The following PTPRZ1 variants were observed in gnomAD, a reference collection of about 807,000 sequenced individuals.
PTPRZ1 encodes protein tyrosine phosphatase receptor type Z1, also known as receptor-type tyrosine-protein phosphatase zeta.
Under a neutral mutation model 214.1 loss-of-function variants are expected in PTPRZ1, and 82 were observed. That is an observed-to-expected ratio of 0.38 (90% CI 0.32 to 0.46). The LOEUF (loss-of-function observed/expected upper bound fraction) is 0.46, where lower values mean the gene tolerates loss of function less well. Ranked by LOEUF, PTPRZ1 falls within the 20% of genes least tolerant of loss-of-function variation. PTPRZ1 has a pLI of 1.00. For synonymous variants in PTPRZ1, 945 were observed against 987.9 expected (o/e 0.96, Z 0.81); for missense variants, 2,603 against 2,748.7 (o/e 0.95, Z 1.19).
intron 1 of PTPRZ1, among the ~76,000 whole-genome samples, chr7:121,906,062 C>T (rs1795107281): frequency 6.6e-6 from 1 of 152,224 alleles, no homozygotes. Flanking sequence ...TCTTACCTTC[C>T]CTGTAATGTT....
intron 23 of PTPRZ1, 79 bp downstream of exon 23, chr7:122,044,647 C>CA: frequency 6.9e-7 from 1 of 1,456,604 alleles, no homozygotes; most frequent in East Asian, 2.4e-5. Context: ...TTGACAGGGT[C>CA]ACGTTGAGTG....
intron 2 of PTPRZ1, among the ~76,000 whole-genome samples, chr7:121,952,019 C>G (rs1393426583): frequency 6.6e-6 from 1 of 150,616 alleles, no homozygotes; most frequent in Non-Finnish European, 1.5e-5. Context: ...AGTGCAGTGA[C>G]GCGATCTCGG....
chr7:121,884,145 A>G (rs868139534), intron 1 of PTPRZ1, among the ~76,000 whole-genome samples: 8 of 152,252 alleles, frequency 5.3e-5, no homozygotes, highest in Middle Eastern at 6.8e-3. Context: ...ACTTTTGTCT[A>G]TTTTAAAAGT....
intron 2 of PTPRZ1, 67 bp from the exon 3 acceptor site, chr7:121,967,884 T>C: frequency 2.6e-6 from 3 of 1,169,588 alleles, no homozygotes; most frequent in Non-Finnish European, 3.7e-6. Flanking sequence ...GTATTAACTA[T>C]AATGTAAAGT....
At chr7:121,881,085 G>A (rs983039126) in intron 1 of PTPRZ1, among the ~76,000 whole-genome samples, 3 of 152,138 alleles carry the variant, frequency 2.0e-5, no homozygotes, top group Non-Finnish European at 4.4e-5. Context: ...TTGGGGACAG[G>A]GCCTTTGCAG....
chr7:121,962,307 G>T (rs1219075973), intron 2 of PTPRZ1, among the ~76,000 whole-genome samples: 1 of 151,782 alleles, frequency 6.6e-6, no homozygotes, highest in Non-Finnish European at 1.5e-5. Flanking sequence ...AGTTAGCTGG[G>T]CGTGGTGGCA....
chr7:121,907,450 T>C (rs1460138844), intron 1 of PTPRZ1, among the ~76,000 whole-genome samples: 1 of 152,016 alleles, frequency 6.6e-6, no homozygotes, highest in African/African-American at 2.4e-5. Context: ...TTAGGACATA[T>C]GTATATACTA....
At chr7:121,905,664 C>T (rs980743823) in intron 1 of PTPRZ1, among the ~76,000 whole-genome samples, 2 of 152,012 alleles carry the variant, frequency 1.3e-5, no homozygotes, top group Admixed American at 6.5e-5. Flanking sequence ...CACACACACA[C>T]ACACACACAC....
In PTPRZ1 at chr7:122,010,605, C is replaced by T. The variant is rs1444184026; in HGVS notation, c.1559C>T (p.Ser520Phe). The T allele has an allele frequency of 1.2e-6, 2 of 1,613,792 alleles. No individual in the cohort carries two copies. The highest frequency in any genetic ancestry group is 8.5e-7 in the Non-Finnish European group (1 of 1,179,676). Residue 520 changes from serine (S) to phenylalanine (F), a missense_variant, in exon 12 of 30, where the codon TCT (serine) becomes TTT (phenylalanine). By Grantham distance (155) the Ser-to-Phe change is radical. Coordinates refer to ENST00000393386, the MANE Select transcript of PTPRZ1 (RefSeq NM_002851.3). ...LATEKDISLTSQTVTELPPHT... is the reference protein window; with the variant it reads ...LATEKDISLTFQTVTELPPHT... ...ACAGAAAAAGATATTTCCTTGACTT[C>T]TCAGACTGTGACTGAACTGCCACCT...
intron 2 of PTPRZ1, among the ~76,000 whole-genome samples, chr7:121,960,201 G>C (rs1432000974): frequency 6.6e-6 from 1 of 152,134 alleles, no homozygotes; most frequent in South Asian, 2.1e-4. Context: ...AACACGCCTG[G>C]CTAATTTTTT....
intron 1 of PTPRZ1, among the ~76,000 whole-genome samples, chr7:121,883,542 G>T (rs1794303607): frequency 6.6e-6 from 1 of 152,118 alleles, no homozygotes; most frequent in Non-Finnish European, 1.5e-5. Flanking sequence ...CTTACAACTT[G>T]TATTTTATAT....
At chr7:121,998,933 C>T (rs1184632726) in intron 10 of PTPRZ1, among the ~76,000 whole-genome samples, 2 of 152,034 alleles carry the variant, frequency 1.3e-5, no homozygotes, top group South Asian at 2.1e-4. Context: ...GGCAGGAAAA[C>T]TGATGTGCAC....
rs1248279220 is a variant in PTPRZ1 at position 122,039,511 on chromosome 7, G to T, written c.5560G>T (p.Val1854Phe). 1.9e-6 allele frequency: 3 copies of T among 1,613,836 alleles called. No individual in the cohort carries two copies. Among genetic ancestry groups the T allele is most frequent in the African/African-American group, 1.3e-5 (1 of 74,872 alleles). ...DGSEEYGNFL[V>F]TQKSVQVLAY... Reference sequence around the variant, plus strand: ...GAGTGAGGAGTACGGGAACTTTCTGGTCACTCAGAAGAGTGTGCAAGTGCT... The same window carrying T: ...GAGTGAGGAGTACGGGAACTTTCTGTTCACTCAGAAGAGTGTGCAAGTGCT... Residue 1854 changes from valine to phenylalanine, a missense_variant, in exon 20 of 30, where the codon GTC becomes TTC. This residue lies in a region of PTPRZ1 where 1,913 missense variants were observed against 1,914.3 expected (regional missense o/e 1.00). Coordinates refer to ENST00000393386, the MANE Select transcript of PTPRZ1 (RefSeq NM_002851.3).
At chr7:121,973,579 C>T (rs544063589) in intron 4 of PTPRZ1, among the ~76,000 whole-genome samples, 8 of 152,214 alleles carry the variant, frequency 5.3e-5, no homozygotes, top group African/African-American at 7.2e-5. Flanking sequence ...GACATAGTAG[C>T]TGCACCTGCC....
At chr7:122,053,583 T>C (rs1233779079) in intron 25 of PTPRZ1, among the ~76,000 whole-genome samples, 1 of 152,198 alleles carries the variant, frequency 6.6e-6, no homozygotes, top group East Asian at 1.9e-4. Flanking sequence ...CCTTGAATAC[T>C]ACATCTGACT....
chr7:121,908,364 GAAA>G, intron 1 of PTPRZ1: 1 of 251,850 alleles, frequency 4.0e-6, no homozygotes, highest in South Asian at 4.1e-5. Flanking sequence ...AATCCCTTTG[GAAA>G]AGAATATCAA....
chr7:122,012,839 G>A lies in PTPRZ1; in HGVS notation c.3793G>A (p.Ala1265Thr). ...ASLQGLTISY[A>T]SEKYEPVLLK... ...ACTTCAAGGTTTGACCATTTCCTAT[G>A]CAAGTGAGAAATATGAACCAGTTTT... The change falls in exon 12 of 30, where the codon GCA (alanine) becomes ACA (threonine). Residue 1265 changes from alanine (A) to threonine (T), a missense_variant. Transcript: ENST00000393386. 2 of 1,613,376 alleles carry A rather than the reference G, an allele frequency of 1.2e-6. No homozygotes were observed. The highest frequency in any genetic ancestry group is 1.7e-6 in the Non-Finnish European group (2 of 1,179,380).
In PTPRZ1 at chr7:122,043,988, A is replaced by T. The variant is rs527568495; in HGVS notation, c.5938-434A>T. 4.6e-5 allele frequency among the ~76,000 whole-genome samples: 7 copies of T among 152,348 alleles called. No homozygotes were observed. The East Asian group carries it at 1.3e-3, about 29-fold the overall frequency. On this transcript the variant is annotated intron_variant, in intron 22 of 29. Transcript: ENST00000393386. ...CCCGTATGTGAAATATCAGAGAACT[A>T]TTAACTATATATAAAATTGAGTTAA...
In PTPRZ1 at chr7:122,057,662, C is replaced by CT. The variant is rs770615295; in HGVS notation, c.6529-1129dup. On this transcript the variant is annotated intron_variant, in intron 27 of 29. Coordinates refer to ENST00000393386, the MANE Select transcript of PTPRZ1 (RefSeq NM_002851.3). The stretch of plus-strand genomic sequence containing the variant: ...TTGTGATTCTTTTTTTTTTTTTTGT[C>CT]TTTTTTTTTGTGAAAGAAAAGTTTT... Among the ~76,000 whole-genome samples the CT allele has an allele frequency of 9.4e-3, 970 of 102,680 alleles. 6 individuals carry two copies. The highest frequency in any genetic ancestry group is 0.024 in the African/African-American group (682 of 28,796). 67.4% of individuals were successfully genotyped at this position (102,680 alleles called of 152,430 possible).
Sources: gnomAD v4.1 joint callset for allele counts (sites outside exome capture counted in the v4.1 genomes callset) on GRCh38, gnomAD v4.1.1 for gene constraint, gnomAD v4.1.1 regional missense constraint, MANE v1.5 for transcripts, NCBI Gene and HGNC (gene_info 2026-07-23, HGNC 2026-07-21) for gene names.